The following ARPC1B variants were observed in gnomAD, a reference collection of about 807,000 sequenced individuals.
ARPC1B encodes the protein actin related protein 2/3 complex subunit 1B.
A neutral mutation model predicts 46.0 loss-of-function variants in ARPC1B; 29 were observed. The ratio of observed to expected loss-of-function variants is 0.63; its 90% CI spans 0.47 to 0.86. The LOEUF (loss-of-function observed/expected upper bound fraction) is 0.86. Ranked by LOEUF, ARPC1B falls within the 40% of genes least tolerant of loss-of-function variation. The probability of loss-of-function intolerance (pLI) is 0.00; values close to 1 mark genes in which losing one functional copy is unlikely to be tolerated. For missense variants in ARPC1B, 469 were observed against 529.4 expected, an observed-to-expected ratio of 0.89 and a Z score of 1.12; for synonymous variants, 201 against 213.9, an observed-to-expected ratio of 0.94 and a Z score of 0.53.
At chr7:99,377,918 C>T (rs1794077278) in intron 1 of ARPC1B, among the ~76,000 whole-genome samples, 2 of 152,212 alleles carry the variant, frequency 1.3e-5, no homozygotes, top group South Asian at 4.1e-4. Context: ...AGGTGTGAGC[C>T]ACCGCACCCG....
intron 1 of ARPC1B, chr7:99,384,199 G>GGGGCTGAGCT (rs1336885240): frequency 6.5e-6 from 1 of 152,680 alleles, no homozygotes; most frequent in Non-Finnish European, 1.5e-5. Flanking sequence ...CAGGCTGGCA[G>GGGGCTGAGCT]GGGCTGAGCT....
At chr7:99,384,898 G>A (rs1260477734) in intron 1 of ARPC1B, among the ~76,000 whole-genome samples, 3 of 117,804 alleles carry the variant, frequency 2.5e-5, no homozygotes, top group Admixed American at 1.9e-4. Flanking sequence ...GTCTTGCTCT[G>A]TCACCCAGCC....
intron 8 of ARPC1B, 83 bp from the exon 9 acceptor site, chr7:99,393,946 T>C: frequency 7.0e-7 from 1 of 1,420,346 alleles, no homozygotes; most frequent in Non-Finnish European, 9.9e-7. Context: ...CCCCAAGAAG[T>C]CTGGGAGCGC....
chr7:99,393,185 C>G (rs1403352018), intron 8 of ARPC1B, among the ~76,000 whole-genome samples: 1 of 152,096 alleles, frequency 6.6e-6, no homozygotes, highest in Admixed American at 6.5e-5. Flanking sequence ...GGCTTTGACT[C>G]GCTGCGGAAT....
intron 5 of ARPC1B, among the ~76,000 whole-genome samples, 174 bp downstream of exon 5, chr7:99,390,186 T>A (rs1794525667): frequency 6.6e-6 from 1 of 152,216 alleles, no homozygotes; most frequent in Non-Finnish European, 1.5e-5. Context: ...GAACCCTTCA[T>A]GTCTCAGCTG....
chr7:99,376,061 CAA>C (rs1055447800), intron 1 of ARPC1B, among the ~76,000 whole-genome samples: 87 of 96,220 alleles, frequency 9.0e-4, no homozygotes, highest in African/African-American at 2.2e-3. Flanking sequence ...GACTCCGTCT[CAA>C]AAAAAAAAAA....
At chr7:99,378,718 C>G (rs1562810131) in intron 1 of ARPC1B, among the ~76,000 whole-genome samples, 1 of 149,528 alleles carries the variant, frequency 6.7e-6, no homozygotes, top group African/African-American at 2.5e-5. Flanking sequence ...AAATGTGTTG[C>G]TGTTTTCTTA....
At chr7:99,393,265 G>C (rs1023337796) in intron 8 of ARPC1B, among the ~76,000 whole-genome samples, 1 of 152,236 alleles carries the variant, frequency 6.6e-6, no homozygotes, top group Non-Finnish European at 1.5e-5. Context: ...TGGAGCCTGG[G>C]AGGGACACGG....
intron 1 of ARPC1B, among the ~76,000 whole-genome samples, chr7:99,379,468 TCCCAGAGCGC>T (rs1794143826): frequency 6.6e-6 from 1 of 152,120 alleles, no homozygotes; most frequent in Admixed American, 6.6e-5. Context: ...GGTGGGGACT[TCCCAGAGCGC>T]CTGTAATGCT....
intron 9 of ARPC1B, 88 bp downstream of exon 9, chr7:99,394,207 T>A: frequency 7.1e-7 from 1 of 1,418,322 alleles, no homozygotes; most frequent in Non-Finnish European, 9.8e-7. Context: ...ACCCCCATCC[T>A]TCACTCCTGC....
intron 9 of ARPC1B, 48 bp downstream of exon 9, chr7:99,394,167 C>CT: frequency 6.3e-7 from 1 of 1,588,600 alleles, no homozygotes; most frequent in Non-Finnish European, 8.6e-7. Flanking sequence ...CAGGTCAACC[C>CT]TTTCCCCCCA....
At chr7:99,393,936 C>G in intron 8 of ARPC1B, 93 bp from the exon 9 acceptor site, 1 of 1,297,626 alleles carries the variant, frequency 7.7e-7, no homozygotes, top group Non-Finnish European at 1.1e-6. Context: ...AAAGCCCGCT[C>G]CCCAAGAAGT....
chr7:99,378,305 T>G (rs1347734657), intron 1 of ARPC1B, among the ~76,000 whole-genome samples: 8 of 151,488 alleles, frequency 5.3e-5, no homozygotes, highest in Admixed American at 5.3e-4. Flanking sequence ...ACTCCTGGAC[T>G]CAAGTGATCC....
At chr7:99,386,238 G>A (rs1291551903) in intron 2 of ARPC1B, 2 of 358,262 alleles carry the variant, frequency 5.6e-6, no homozygotes, top group Non-Finnish European at 1.1e-5. Context: ...GCAACAAAGC[G>A]AGACTCTGTC....
At chr7:99,382,655 G>A (rs2150889241) in intron 1 of ARPC1B, among the ~76,000 whole-genome samples, 1 of 151,882 alleles carries the variant, frequency 6.6e-6, no homozygotes, top group South Asian at 2.1e-4. Flanking sequence ...TAAATTTTTT[G>A]TAGAGATAGG....
At chr7:99,394,417 T>G in intron 9 of ARPC1B, 34 bp from the exon 10 acceptor site, 5 of 1,574,352 alleles carry the variant, frequency 3.2e-6, no homozygotes, top group African/African-American at 1.3e-5. Context: ...GCAGGACAGC[T>G]GAGAACCAGC....
chr7:99,386,858 G>A, intron 3 of ARPC1B, 69 bp downstream of exon 3: 1 of 1,188,964 alleles, frequency 8.4e-7, no homozygotes, highest in South Asian at 1.3e-5. Context: ...TGCAAGGCAG[G>A]GCATGGCCAC....
intron 8 of ARPC1B, among the ~76,000 whole-genome samples, chr7:99,393,140 G>A (rs912607995): frequency 7.2e-5 from 11 of 152,346 alleles, no homozygotes; most frequent in South Asian, 4.1e-4. Context: ...GGCGGAGGCC[G>A]GCAGAGGTCG....
intron 1 of ARPC1B, among the ~76,000 whole-genome samples, chr7:99,383,841 A>G (rs1298999551): frequency 6.6e-6 from 1 of 152,202 alleles, no homozygotes; most frequent in Admixed American, 6.5e-5. Context: ...TATCACATCC[A>G]TCACAGGCTA....
Sources: gnomAD v4.1 joint callset for allele counts (sites outside exome capture counted in the v4.1 genomes callset) on GRCh38, gnomAD v4.1.1 for gene constraint, MANE v1.5 for transcripts, NCBI Gene and HGNC (gene_info 2026-07-23, HGNC 2026-07-21) for gene names.